The following SFT2D2 variants were observed in gnomAD, a reference collection of about 807,000 sequenced individuals.
SFT2D2 encodes the protein vesicle transport protein SFT2B.
Under a neutral mutation model 27.4 loss-of-function variants are expected in SFT2D2, and 21 were observed. The observed-to-expected ratio is 0.77, with a 90% confidence interval of 0.54 to 1.10. The LOEUF (loss-of-function observed/expected upper bound fraction) is 1.10. Ranked by LOEUF, SFT2D2 falls within the 50% of genes least tolerant of loss-of-function variation. The probability of loss-of-function intolerance (pLI) is 0.00; values close to 1 mark genes in which losing one functional copy is unlikely to be tolerated. For synonymous variants in SFT2D2, 72 were observed against 71.7 expected, an observed-to-expected ratio of 1.00 and a Z score of -0.02; for missense variants, 187 against 194.2, an observed-to-expected ratio of 0.96 and a Z score of 0.22.
chr1:168,231,230 T>C (rs1458579536), intron 1 of SFT2D2, among the ~76,000 whole-genome samples: 1 of 152,196 alleles, frequency 6.6e-6, no homozygotes, highest in Non-Finnish European at 1.5e-5. Context: ...CTGTCTTGCC[T>C]TCCTGTTCTT....
rs181291666 is a variant in SFT2D2 at position 168,226,244 on chromosome 1, C to T, written c.63+102C>T. 1,543 of 1,037,736 alleles carry T rather than the reference C, an allele frequency of 1.5e-3. 13 individuals are homozygous for T. The African/African-American group carries it at 0.023, about 16-fold the overall frequency. The allele number at this position is 1,037,736 out of a possible 1,614,324, so 64.3% of individuals were successfully genotyped here. Reference sequence around the variant, plus strand: ...GCGGGGACTCCCTGGAGTTTCTGGACGGTAGCTCTGCCCCTTCTCCTCCTC... The same window carrying T: ...GCGGGGACTCCCTGGAGTTTCTGGATGGTAGCTCTGCCCCTTCTCCTCCTC... On this transcript the variant is annotated intron_variant, in intron 1 of 7. Transcript: ENST00000271375.
chr1:168,242,597 GT>G lies in SFT2D2; in HGVS notation c.*61del, dbSNP rs1647678653. 3 of 1,596,788 alleles carry G rather than the reference GT, an allele frequency of 1.9e-6. No homozygotes were observed. The highest frequency in any genetic ancestry group is 1.7e-5 in the Admixed American group (1 of 59,982). ...CACTATGGACAGAAGCTGGTGGACAGTTTTGTAACTATCTTCGAAACCTCTG... is the reference window on the plus strand; with the variant it reads ...CACTATGGACAGAAGCTGGTGGACAGTTTGTAACTATCTTCGAAACCTCTG... On this transcript the variant is annotated 3_prime_UTR_variant, in exon 8 of 8. Transcript: ENST00000271375.
At chr1:168,230,062 T>A (rs183692519) in intron 1 of SFT2D2, among the ~76,000 whole-genome samples, 12 of 152,282 alleles carry the variant, frequency 7.9e-5, no homozygotes, top group Admixed American at 2.6e-4. Flanking sequence ...TAAATACCTT[T>A]CTCCTGAGTG....
Position 168,247,936 on chromosome 1 carries a change from G to A in SFT2D2, c.*5396G>A, listed in dbSNP as rs1423842851. ...CATTTCCCTAATGACCAGTGATGATGAGCATTTTTTCATATGTTTGTTGGC... is the reference window on the plus strand; with the variant it reads ...CATTTCCCTAATGACCAGTGATGATAAGCATTTTTTCATATGTTTGTTGGC... On this transcript the variant is annotated 3_prime_UTR_variant, in exon 8 of 8. Transcript: ENST00000271375. The A allele has an allele frequency of 6.6e-6, 1 of 152,230 alleles. No homozygotes were observed. The highest frequency in any genetic ancestry group is 1.5e-5 in the Non-Finnish European group (1 of 68,040). 9.4% of individuals were successfully genotyped at this position (152,230 alleles called of 1,614,324 possible).
rs1450231879 is a variant in SFT2D2 at position 168,243,873 on chromosome 1, TC to T, written c.*1335del. The T allele has an allele frequency of 1.3e-5, 2 of 152,744 alleles. No individual in the cohort carries two copies. Among genetic ancestry groups the T allele is most frequent in the Non-Finnish European group, 2.9e-5 (2 of 68,388 alleles). 9.5% of individuals were successfully genotyped at this position (152,744 alleles called of 1,614,324 possible). Reference sequence around the variant, plus strand: ...CTGCCCATCTCTTTTGGAAGCTTCTTCCTGGATCTGCAGGATGTTCACTGTC... The same window carrying T: ...CTGCCCATCTCTTTTGGAAGCTTCTTCTGGATCTGCAGGATGTTCACTGTC... On this transcript the variant is annotated 3_prime_UTR_variant, in exon 8 of 8. Coordinates refer to ENST00000271375, the MANE Select transcript of SFT2D2 (RefSeq NM_199344.3).
rs1272741074 is a variant in SFT2D2 at position 168,251,875 on chromosome 1, T to G, written c.*9335T>G. On this transcript the variant is annotated 3_prime_UTR_variant, in exon 8 of 8. Transcript: ENST00000271375. ...CTAGACATCTAAATTTTTTGGAAATTTTTATTTTAAAAGTTTGTTGGGAGG... is the reference window on the plus strand; with the variant it reads ...CTAGACATCTAAATTTTTTGGAAATGTTTATTTTAAAAGTTTGTTGGGAGG... The G allele has an allele frequency of 1.3e-5, 2 of 152,166 alleles. No homozygotes were observed. The highest frequency in any genetic ancestry group is 2.9e-5 in the Non-Finnish European group (2 of 68,030). 9.4% of individuals were successfully genotyped at this position (152,166 alleles called of 1,614,324 possible).
Position 168,245,564 on chromosome 1 carries a change from C to CTTTTTTTTTT in SFT2D2, c.*3033_*3042dup, listed in dbSNP as rs3062328. 1.6e-5 allele frequency: 2 copies of CTTTTTTTTTT among 122,108 alleles called. No individual in the cohort carries two copies. Among genetic ancestry groups the CTTTTTTTTTT allele is most frequent in the Non-Finnish European group, 3.3e-5 (2 of 60,430 alleles). The allele number at this position is 122,108 out of a possible 1,614,324, so 7.6% of individuals were successfully genotyped here. A position where few individuals can be genotyped will look rare whatever the true frequency, so the allele number is the denominator to read the frequency against. On this transcript the variant is annotated 3_prime_UTR_variant, in exon 8 of 8. Coordinates refer to ENST00000271375, the MANE Select transcript of SFT2D2 (RefSeq NM_199344.3). ...CAGTCCCCATCCAAAGCCAAGCAGG[C>CTTTTTTTTTT]TTTTTTTTTTTTTTTTTTGTAGAAA... is the stretch of plus-strand genomic sequence containing the variant.
intron 2 of SFT2D2, 88 bp from the exon 3 acceptor site, chr1:168,231,746 G>A (rs1286849423): frequency 1.1e-5 from 16 of 1,467,932 alleles, no homozygotes; most frequent in Admixed American, 5.1e-5. Context: ...GGAGGGAAAC[G>A]GACTCCTCAG....
chr1:168,236,577 T>C lies in SFT2D2; in HGVS notation c.319-12T>C. On this transcript the variant is annotated splice_polypyrimidine_tract_variant and intron_variant, in intron 4 of 7. Transcript: ENST00000271375. ...TTATTGTCATTAATTAATGTTTCCT[T>C]TCTTCCTTTAGTTGTGTTTTGCACT... 6.2e-7 allele frequency: 1 copy of C among 1,610,514 alleles called. No individual in the cohort carries two copies. Among genetic ancestry groups the C allele is most frequent in the Non-Finnish European group, 8.5e-7 (1 of 1,179,064 alleles).
At chr1:168,239,053 A>C in intron 6 of SFT2D2, 78 bp from the exon 7 acceptor site, 1 of 1,080,940 alleles carries the variant, frequency 9.3e-7, no homozygotes. Flanking sequence ...GTATTCTTAC[A>C]GCTCAGAAGC....
intron 1 of SFT2D2, among the ~76,000 whole-genome samples, chr1:168,229,142 C>T (rs1700488095): frequency 6.6e-6 from 1 of 152,264 alleles, no homozygotes; most frequent in Non-Finnish European, 1.5e-5. Context: ...GTGTCACTTT[C>T]CTTTCTGAAG....
At chr1:168,231,379 A>G in intron 1 of SFT2D2, 135 bp from the exon 2 acceptor site, 1 of 683,114 alleles carries the variant, frequency 1.5e-6, no homozygotes, top group East Asian at 2.7e-5. Flanking sequence ...TTGATGACTT[A>G]CATCGCCTGA....
chr1:168,242,718 C>T lies in SFT2D2; in HGVS notation c.*178C>T. 1.4e-6 allele frequency: 1 copy of T among 702,896 alleles called. No homozygotes were observed. Among genetic ancestry groups the T allele is most frequent in the Non-Finnish European group, 2.5e-6 (1 of 403,692 alleles). 43.5% of individuals were successfully genotyped at this position (702,896 alleles called of 1,614,324 possible). The stretch of plus-strand genomic sequence containing the variant: ...TTGGAAGCAACAATACATTCTCGAA[C>T]CTGAATGTCAGTAGCACAGGATGAG... On this transcript the variant is annotated 3_prime_UTR_variant, in exon 8 of 8. Transcript: ENST00000271375.
intron 2 of SFT2D2, 59 bp downstream of exon 2, chr1:168,231,659 C>T (rs1276939617): frequency 1.1e-5 from 17 of 1,549,664 alleles, no homozygotes; most frequent in Non-Finnish European, 1.5e-5. Context: ...ATATATTCCC[C>T]CTTTTGTCCA....
intron 7 of SFT2D2, 89 bp from the exon 8 acceptor site, chr1:168,242,412 T>C (rs1647674409): frequency 1.4e-6 from 2 of 1,425,594 alleles, no homozygotes; most frequent in African/African-American, 2.8e-5. Context: ...AGGTGCTTTC[T>C]ACTCTGCAGC....
In SFT2D2 at chr1:168,244,761, T is replaced by C. The variant is rs916046498; in HGVS notation, c.*2221T>C. On this transcript the variant is annotated 3_prime_UTR_variant, in exon 8 of 8. Transcript: ENST00000271375. Reference sequence around the variant, plus strand: ...GCTCATGGTTCCTTTTCTTTAGAACTGATACGAGGCTTGGCTAGTCACTGT... The same window carrying C: ...GCTCATGGTTCCTTTTCTTTAGAACCGATACGAGGCTTGGCTAGTCACTGT... 2 of 152,240 alleles carry C rather than the reference T, an allele frequency of 1.3e-5. No individual in the cohort carries two copies. The highest frequency in any genetic ancestry group is 3.9e-4 in the East Asian group (2 of 5,174). 9.4% of individuals were successfully genotyped at this position (152,240 alleles called of 1,614,324 possible).
chr1:168,245,198 G>C lies in SFT2D2; in HGVS notation c.*2658G>C, dbSNP rs1317758262. On this transcript the variant is annotated 3_prime_UTR_variant, in exon 8 of 8. Transcript: ENST00000271375. ...TCTATTCACAGATATTATCATCTAT[G>C]TAGAAAACCAAATCAAATCCATTAC... 1 of 152,170 alleles carries C rather than the reference G, an allele frequency of 6.6e-6. No homozygotes were observed. 9.4% of individuals were successfully genotyped at this position (152,170 alleles called of 1,614,324 possible).
At chr1:168,239,446 C>G (rs1299816333) in intron 7 of SFT2D2, among the ~76,000 whole-genome samples, 1 of 143,962 alleles carries the variant, frequency 6.9e-6, no homozygotes. Flanking sequence ...TAACCCGTAG[C>G]TTTGAGTAGG....
At chr1:168,240,992 C>T (rs752689836) in intron 7 of SFT2D2, among the ~76,000 whole-genome samples, 10 of 152,082 alleles carry the variant, frequency 6.6e-5, no homozygotes, top group Non-Finnish European at 1.3e-4. Flanking sequence ...GAGTATGGGG[C>T]CAATGCAGTT....
Sources: allele counts gnomAD v4.1 joint callset (sites outside exome capture counted in the v4.1 genomes callset), GRCh38; gene constraint gnomAD v4.1.1; transcripts MANE v1.5; gene names NCBI Gene and HGNC (gene_info 2026-07-23, HGNC 2026-07-21).